Variants in DENND1B observed in about 807,000 individuals in gnomAD.
DENND1B encodes DENN domain containing 1B.
In DENND1B, 59 loss-of-function variants were observed where a neutral mutation model predicts 90.1. That is an observed-to-expected ratio of 0.65 (90% confidence interval 0.53 to 0.81). The LOEUF (loss-of-function observed/expected upper bound fraction) is 0.81. Ranked by LOEUF, DENND1B falls within the 40% of genes least tolerant of loss-of-function variation. DENND1B has a pLI of 0.00. For missense variants in DENND1B, 862 were observed against 912.6 expected (o/e 0.94, Z 0.71); for synonymous variants, 337 against 324.6 (o/e 1.04, Z -0.41).
At chr1:197,577,170 T>C (rs1379066443) in intron 15 of DENND1B, among the ~76,000 whole-genome samples, 1 of 152,024 alleles carries the variant, frequency 6.6e-6, no homozygotes, top group Non-Finnish European at 1.5e-5. Context: ...AAAGATAAAT[T>C]ACAATAACAT....
chr1:197,514,568 A>G (rs1420814142), intron 20 of DENND1B, among the ~76,000 whole-genome samples: 2 of 151,662 alleles, frequency 1.3e-5, no homozygotes, highest in Admixed American at 6.6e-5. Context: ...ATTTCAAAAT[A>G]ATTTAATGGT....
chr1:197,717,621 G>C (rs1182012685), intron 2 of DENND1B, among the ~76,000 whole-genome samples: 2 of 151,920 alleles, frequency 1.3e-5, no homozygotes, highest in African/African-American at 4.8e-5. Flanking sequence ...AGTAACTTTA[G>C]AAGATGAATA....
chr1:197,734,048 A>G (rs1662400451), intron 2 of DENND1B: 1 of 941,450 alleles, frequency 1.1e-6, no homozygotes, highest in Admixed American at 6.2e-5. Context: ...TTTACATTAA[A>G]TATTTATCAT....
chr1:197,741,090 T>C (rs1192908091), intron 2 of DENND1B, among the ~76,000 whole-genome samples: 1 of 152,204 alleles, frequency 6.6e-6, no homozygotes, highest in Non-Finnish European at 1.5e-5. Context: ...TTTTCTGGAA[T>C]TTCTCTAGGC....
intron 14 of DENND1B, among the ~76,000 whole-genome samples, chr1:197,586,364 T>C (rs1674695633): frequency 6.6e-6 from 1 of 152,226 alleles, no homozygotes; most frequent in South Asian, 2.1e-4. Context: ...AATTAGTTTA[T>C]ATTGCTTTTT....
At chr1:197,682,998 T>G (rs752975252) in intron 3 of DENND1B, among the ~76,000 whole-genome samples, 17 of 152,170 alleles carry the variant, frequency 1.1e-4, no homozygotes, top group Admixed American at 8.5e-4. Flanking sequence ...ATCTGAGTTA[T>G]AATTTACATC....
chr1:197,661,244 C>T (rs1654375360), intron 5 of DENND1B, among the ~76,000 whole-genome samples: 1 of 152,026 alleles, frequency 6.6e-6, no homozygotes, highest in Admixed American at 6.6e-5. Flanking sequence ...ATTACTAATA[C>T]TTTTATAATA....
chr1:197,775,306 A>T lies in DENND1B; in HGVS notation c.-151T>A. On this transcript the variant is annotated 5_prime_UTR_variant, in exon 1 of 23. It removes an upstream start codon present in the reference 5' UTR. Transcript: ENST00000620048. ...TCACAGCAGCCGTGGCGGCGGGCCC[A>T]TGTCGGCTGCGCCCCCGGCACTTCC... 1 of 509,528 alleles carries T rather than the reference A, an allele frequency of 2.0e-6. No homozygotes were observed. 31.6% of individuals were successfully genotyped at this position (509,528 alleles called of 1,614,324 possible).
At chr1:197,667,408 T>A (rs1020162068) in intron 5 of DENND1B, among the ~76,000 whole-genome samples, 1 of 152,012 alleles carries the variant, frequency 6.6e-6, no homozygotes, top group Non-Finnish European at 1.5e-5. Flanking sequence ...AACTGTCCCA[T>A]TCCCATTCTT....
chr1:197,781,531 G>A, the DENND1B span, among the ~76,000 whole-genome samples: 1 of 152,158 alleles, frequency 6.6e-6, no homozygotes, highest in South Asian at 2.1e-4. Flanking sequence ...CTCCTGGCAT[G>A]TTGTCCTTTT....
intron 13 of DENND1B, among the ~76,000 whole-genome samples, chr1:197,603,654 C>A (rs1202455750): frequency 6.6e-6 from 1 of 150,940 alleles, no homozygotes; most frequent in East Asian, 1.9e-4. Flanking sequence ...GAGAGAATTC[C>A]TAAATATTAT....
intron 2 of DENND1B, among the ~76,000 whole-genome samples, chr1:197,771,551 T>C (rs1656617957): frequency 6.6e-6 from 1 of 152,252 alleles, no homozygotes; most frequent in African/African-American, 2.4e-5. Context: ...AGGAGTACAG[T>C]AGTAGGGCTG....
chr1:197,669,923 A>C (rs1655319773), intron 5 of DENND1B, among the ~76,000 whole-genome samples: 1 of 152,116 alleles, frequency 6.6e-6, no homozygotes, highest in South Asian at 2.1e-4. Flanking sequence ...TATTTTCTGC[A>C]GGTTAAAAAC....
intron 15 of DENND1B, among the ~76,000 whole-genome samples, chr1:197,568,062 G>A (rs1041142725): frequency 1.3e-5 from 2 of 151,366 alleles, no homozygotes; most frequent in Admixed American, 6.6e-5. Flanking sequence ...GAGGGAAGGA[G>A]GGAGGGAGGG....
At chr1:197,714,571 A>G (rs1461663139) in intron 3 of DENND1B, among the ~76,000 whole-genome samples, 1 of 152,164 alleles carries the variant, frequency 6.6e-6, no homozygotes, top group African/African-American at 2.4e-5. Context: ...AAATAAAAAA[A>G]GTGATAATTC....
chr1:197,734,545 T>A, intron 2 of DENND1B: 1 of 975,306 alleles, frequency 1.0e-6, no homozygotes, highest in South Asian at 4.7e-5. Context: ...AGATGTTTTG[T>A]GTTATTGGTA....
At chr1:197,551,096 C>G (rs1490673502) in intron 16 of DENND1B, among the ~76,000 whole-genome samples, 1 of 78,014 alleles carries the variant, frequency 1.3e-5, no homozygotes, top group Non-Finnish European at 2.7e-5. Flanking sequence ...CACACACACA[C>G]ACACACACAC....
chr1:197,627,275 C>T (rs1678848865), intron 10 of DENND1B, among the ~76,000 whole-genome samples: 3 of 152,150 alleles, frequency 2.0e-5, no homozygotes, highest in Admixed American at 2.0e-4. Flanking sequence ...TGCAAAAATC[C>T]TCAATAGAAT....
At chr1:197,781,638 G>C in the DENND1B span, among the ~76,000 whole-genome samples, 1 of 152,156 alleles carries the variant, frequency 6.6e-6, no homozygotes, top group African/African-American at 2.4e-5. Context: ...AGATGGAGGT[G>C]GGGATTCGGG....
Sources: allele counts gnomAD v4.1 joint callset (sites outside exome capture counted in the v4.1 genomes callset), GRCh38; gene constraint gnomAD v4.1.1; transcripts MANE v1.5; gene names NCBI Gene and HGNC (gene_info 2026-07-23, HGNC 2026-07-21).